Variants in SUGCT observed in about 807,000 individuals in gnomAD.
The protein encoded by SUGCT is succinyl-CoA:glutarate-CoA transferase, also known as succinyl-CoA:glutarate CoA-transferase.
Under a neutral mutation model 55.0 loss-of-function variants are expected in SUGCT, and 41 were observed. The observed-to-expected ratio is 0.74, with a 90% CI of 0.58 to 0.97. The LOEUF is 0.97. Among genes scored for constraint, SUGCT ranks in the 50% least tolerant of loss-of-function variants. The probability of loss-of-function intolerance (pLI) is 0.00; values close to 1 mark genes in which losing one functional copy is unlikely to be tolerated. For synonymous variants in SUGCT, 187 were observed against 200.4 expected (o/e 0.93, Z 0.56); for missense variants, 568 against 547.8 (o/e 1.04, Z -0.37).
intron 9 of SUGCT, among the ~76,000 whole-genome samples, chr7:40,391,143 T>C (rs1785408424): frequency 6.6e-6 from 1 of 152,118 alleles, no homozygotes; most frequent in African/African-American, 2.4e-5. Context: ...TCAAGATGGA[T>C]TAAAGACTTA....
At chr7:40,191,080 G>A (rs955416925) in intron 5 of SUGCT, among the ~76,000 whole-genome samples, 1 of 152,066 alleles carries the variant, frequency 6.6e-6, no homozygotes, top group Admixed American at 6.6e-5. Context: ...GCAGTGGCGC[G>A]ATCTCGGCTC....
the SUGCT span, among the ~76,000 whole-genome samples, chr7:40,953,224 T>G: frequency 6.6e-6 from 1 of 152,234 alleles, no homozygotes; most frequent in Middle Eastern, 3.2e-3. Flanking sequence ...ACTGATACCC[T>G]TTCTTCCAGT....
At chr7:40,228,318 G>A (rs1788510412) in intron 6 of SUGCT, among the ~76,000 whole-genome samples, 1 of 152,078 alleles carries the variant, frequency 6.6e-6, no homozygotes, top group African/African-American at 2.4e-5. Flanking sequence ...AATCATAGTA[G>A]TTGAGTTATA....
chr7:40,138,696 T>G (rs1365843462), intron 1 of SUGCT, among the ~76,000 whole-genome samples: 2 of 152,162 alleles, frequency 1.3e-5, no homozygotes, highest in African/African-American at 4.8e-5. Context: ...GCCATTCTGT[T>G]GTGTGTAAGA....
At chr7:40,396,082 C>T in intron 9 of SUGCT, among the ~76,000 whole-genome samples, 1 of 152,094 alleles carries the variant, frequency 6.6e-6, no homozygotes, top group East Asian at 1.9e-4. Context: ...TATATAACAA[C>T]TAGCATGGAC....
chr7:40,222,051 G>A (rs1164141372), intron 6 of SUGCT, among the ~76,000 whole-genome samples: 1 of 152,232 alleles, frequency 6.6e-6, no homozygotes, highest in South Asian at 2.1e-4. Context: ...ATTGGGGTAA[G>A]AGAGAGAAGA....
the SUGCT span, among the ~76,000 whole-genome samples, chr7:41,000,111 A>C: frequency 6.6e-6 from 1 of 152,254 alleles, no homozygotes; most frequent in African/African-American, 2.4e-5. Context: ...AGATTTCATG[A>C]GCAATTGTAA....
At chr7:40,495,824 G>C (rs1344417070) in intron 11 of SUGCT, among the ~76,000 whole-genome samples, 3 of 152,132 alleles carry the variant, frequency 2.0e-5, no homozygotes, top group Non-Finnish European at 1.5e-5. Context: ...CAATGGTTGT[G>C]ACCATTAATT....
chr7:40,680,983 A>C (rs1465220824), intron 12 of SUGCT, among the ~76,000 whole-genome samples: 1 of 152,198 alleles, frequency 6.6e-6, no homozygotes, highest in Non-Finnish European at 1.5e-5. Context: ...ACAACTGAAG[A>C]CTTCCTCTGG....
chr7:40,158,325 T>C (rs1467335251), intron 1 of SUGCT, among the ~76,000 whole-genome samples: 1 of 152,256 alleles, frequency 6.6e-6, no homozygotes, highest in East Asian at 1.9e-4. Context: ...AACACAGGTA[T>C]TAATGCATTA....
At chr7:40,958,334 G>A in the SUGCT span, among the ~76,000 whole-genome samples, 5 of 151,912 alleles carry the variant, frequency 3.3e-5, no homozygotes, top group African/African-American at 9.6e-5. Context: ...ACATAGTCCC[G>A]TATTTTTTGG....
At chr7:40,153,955 C>G (rs1389991302) in intron 1 of SUGCT, 1 of 333,308 alleles carries the variant, frequency 3.0e-6, no homozygotes. Context: ...CTGTGTACAC[C>G]TACAACAGGC....
Position 40,459,192 on chromosome 7 carries a change from C to T in SUGCT, c.980C>T (p.Ser327Phe). 1.3e-6 allele frequency: 2 copies of T among 1,588,150 alleles called. No individual in the cohort carries two copies. ...AGAAAAGAGCTTATTAAAATATTAT[C>T]TGAACGGTAAGTTTGGATGTTGTAT... ...HNRKELIKIL[S>F]ERFEEELTSK... Residue 327 changes from serine to phenylalanine, a missense_variant, in exon 11 of 14, where the codon TCT becomes TTT. Ser to Phe is a radical substitution (Grantham distance 155). Coordinates refer to ENST00000335693, the MANE Select transcript of SUGCT (RefSeq NM_001193313.2).
At chr7:40,975,519 A>T in the SUGCT span, among the ~76,000 whole-genome samples, 4 of 152,230 alleles carry the variant, frequency 2.6e-5, no homozygotes, top group African/African-American at 9.6e-5. Context: ...ATATGATACA[A>T]ATACTAGAGG....
intron 12 of SUGCT, among the ~76,000 whole-genome samples, chr7:40,630,767 T>A (rs772674478): frequency 6.6e-6 from 1 of 152,128 alleles, no homozygotes; most frequent in Non-Finnish European, 1.5e-5. Context: ...TAGCAAATAC[T>A]TTAAAAGTTG....
chr7:40,579,543 G>A (rs1046992832), intron 12 of SUGCT, among the ~76,000 whole-genome samples: 1 of 152,206 alleles, frequency 6.6e-6, no homozygotes, highest in Non-Finnish European at 1.5e-5. Flanking sequence ...CAGCCAGACA[G>A]ACACATGAAA....
At chr7:40,871,354 C>G in the SUGCT span, among the ~76,000 whole-genome samples, 2 of 152,268 alleles carry the variant, frequency 1.3e-5, no homozygotes, top group South Asian at 4.1e-4. Context: ...CCCAAGCTAG[C>G]TATGTGGAGA....
the SUGCT span, among the ~76,000 whole-genome samples, chr7:40,943,305 G>GT: frequency 2.0e-5 from 3 of 149,674 alleles, no homozygotes; most frequent in Admixed American, 6.7e-5. Context: ...TATACTTTAA[G>GT]TTTTAGGGTA....
At chr7:40,184,409 A>T (rs1785382338) in intron 3 of SUGCT, among the ~76,000 whole-genome samples, 1 of 151,836 alleles carries the variant, frequency 6.6e-6, no homozygotes, top group Non-Finnish European at 1.5e-5. Context: ...CTGGAACCAT[A>T]GTTGTGCGCA....
Sources: gnomAD v4.1 joint callset for allele counts (sites outside exome capture counted in the v4.1 genomes callset) on GRCh38, gnomAD v4.1.1 for gene constraint, MANE v1.5 for transcripts, NCBI Gene and HGNC (gene_info 2026-07-23, HGNC 2026-07-21) for gene names.